Variants in ADGB observed in about 807,000 individuals in gnomAD.
ADGB encodes the protein calpain-7-like protein.
In ADGB, 172 loss-of-function variants were observed where a neutral mutation model predicts 210.5. The observed-to-expected ratio is 0.82, with a 90% CI of 0.72 to 0.93. The LOEUF (loss-of-function observed/expected upper bound fraction) is 0.93. Ranked by LOEUF, ADGB falls within the 40% of genes least tolerant of loss-of-function variation. The probability of loss-of-function intolerance (pLI) is 0.00; values close to 1 mark genes in which losing one functional copy is unlikely to be tolerated. For synonymous variants in ADGB, 658 were observed against 662.7 expected (o/e 0.99, Z 0.11); for missense variants, 2,025 against 1,964.8 (o/e 1.03, Z -0.58).
chr6:146,617,745 T>C (rs1027083410), intron 1 of ADGB, among the ~76,000 whole-genome samples: 11 of 152,144 alleles, frequency 7.2e-5, no homozygotes, highest in African/African-American at 2.7e-4. Flanking sequence ...GCGTCTCTTA[T>C]TGATTTGCAT....
intron 12 of ADGB, 92 bp downstream of exon 12, chr6:146,693,007 T>A (rs1298814900): frequency 3.0e-6 from 2 of 675,400 alleles, no homozygotes; most frequent in Admixed American, 6.8e-5. Flanking sequence ...GGGAGCATTT[T>A]GAAGAATAGT....
At chr6:146,813,889 T>G (rs1357533776) in intron 35 of ADGB, among the ~76,000 whole-genome samples, 1 of 152,192 alleles carries the variant, frequency 6.6e-6, no homozygotes, top group Non-Finnish European at 1.5e-5. Flanking sequence ...TGAGTTTTGA[T>G]TGAAGCCATT....
intron 35 of ADGB, among the ~76,000 whole-genome samples, chr6:146,812,178 G>T (rs1022163689): frequency 1.3e-5 from 2 of 152,064 alleles, no homozygotes; most frequent in Admixed American, 6.6e-5. Flanking sequence ...TTTAATAACA[G>T]ATTTTTCCCC....
chr6:146,642,974 C>T (rs966700865), intron 2 of ADGB, among the ~76,000 whole-genome samples: 28 of 151,604 alleles, frequency 1.8e-4, no homozygotes, highest in African/African-American at 6.3e-4. Flanking sequence ...CGACTGAAAA[C>T]GAAGAGGAGA....
intron 7 of ADGB, 125 bp downstream of exon 7, chr6:146,667,027 T>C (rs1713854956): frequency 1.6e-6 from 1 of 638,944 alleles, no homozygotes; most frequent in Non-Finnish European, 2.6e-6. Flanking sequence ...GGGGAAAATA[T>C]CGTTTTGTAG....
chr6:146,675,563 G>A (rs373381161), intron 8 of ADGB, among the ~76,000 whole-genome samples: 4 of 151,990 alleles, frequency 2.6e-5, no homozygotes, highest in East Asian at 1.9e-4. Context: ...TTTTATTTAC[G>A]AAAATTTTAA....
chr6:146,654,696 A>G (rs1160496727), intron 4 of ADGB, among the ~76,000 whole-genome samples: 1 of 152,124 alleles, frequency 6.6e-6, no homozygotes, highest in East Asian at 1.9e-4. Flanking sequence ...GGTTTGATAT[A>G]CATTGTTAAA....
intron 33 of ADGB, among the ~76,000 whole-genome samples, chr6:146,789,082 C>A (rs1430690755): frequency 2.0e-5 from 3 of 152,288 alleles, no homozygotes; most frequent in Admixed American, 2.0e-4. Context: ...TATATGGATT[C>A]ATATCTGTTC....
intron 28 of ADGB, among the ~76,000 whole-genome samples, chr6:146,768,699 C>T (rs1031475007): frequency 3.9e-5 from 6 of 152,094 alleles, no homozygotes; most frequent in Non-Finnish European, 5.9e-5. Flanking sequence ...TAAAGGCCAA[C>T]AGCTTTGAAA....
rs35082520 is a variant in ADGB, at chr6:146,600,926, G to GCACACACACACA, written c.74+1841_74+1852dup. ...TTTTGAGTACACCCCTCCCCCATGC[G>GCACACACACACA]CACACACACACACACACACACACAC... On this transcript the variant is annotated intron_variant, in intron 1 of 35. Transcript: ENST00000397944. Among the ~76,000 whole-genome samples, 31 of 144,568 alleles carry GCACACACACACA rather than the reference G, an allele frequency of 2.1e-4. 1 individual carries two copies. The highest frequency in any genetic ancestry group is 1.8e-3 in the Admixed American group (27 of 14,746). 94.8% of individuals were successfully genotyped at this position (144,568 alleles called of 152,430 possible). A position where few individuals can be genotyped will look rare whatever the true frequency, so the allele number is the denominator to read the frequency against.
chr6:146,613,018 C>T (rs939929177), intron 1 of ADGB, among the ~76,000 whole-genome samples: 3 of 152,178 alleles, frequency 2.0e-5, no homozygotes, highest in Non-Finnish European at 4.4e-5. Flanking sequence ...CAATTTTTCT[C>T]TCTCTTCCGT....
At chr6:146,672,501 T>G in intron 8 of ADGB, 34 bp downstream of exon 8, 4 of 1,494,770 alleles carry the variant, frequency 2.7e-6, no homozygotes, top group Non-Finnish European at 2.7e-6. Flanking sequence ...TGATTCAGTA[T>G]GGACATTGCA....
rs1223729130 is a variant in ADGB at position 146,815,218 on chromosome 6, C to G, written c.*1C>G. 6.7e-7 allele frequency: 1 copy of G among 1,502,066 alleles called. No individual in the cohort carries two copies. Among genetic ancestry groups the G allele is most frequent in the East Asian group, 2.5e-5 (1 of 39,722 alleles). 93.0% of individuals were successfully genotyped at this position (1,502,066 alleles called of 1,614,324 possible). ...AAAAAAGAAAGGAAAGAAAAAGTAACCAGGGGATGTCCAATACTACCCTGC... is the reference window on the plus strand; with the variant it reads ...AAAAAAGAAAGGAAAGAAAAAGTAAGCAGGGGATGTCCAATACTACCCTGC... On this transcript the variant is annotated 3_prime_UTR_variant, in exon 36 of 36. Transcript: ENST00000397944.
chr6:146,727,340 CTGTT>C (rs879535595), intron 19 of ADGB, among the ~76,000 whole-genome samples: 2 of 152,142 alleles, frequency 1.3e-5, no homozygotes, highest in Non-Finnish European at 2.9e-5. Flanking sequence ...GCTGCCTCCT[CTGTT>C]TGCTGTGCCA....
chr6:146,787,016 C>T (rs1056603630), intron 32 of ADGB, among the ~76,000 whole-genome samples: 3 of 152,032 alleles, frequency 2.0e-5, no homozygotes, highest in Non-Finnish European at 2.9e-5. Flanking sequence ...CTAAGAGGAA[C>T]TTGGTTAGGT....
chr6:146,675,294 AAAG>A (rs1776070305), intron 8 of ADGB, among the ~76,000 whole-genome samples: 2 of 152,142 alleles, frequency 1.3e-5, no homozygotes, highest in Non-Finnish European at 2.9e-5. Flanking sequence ...TCTCTATAAA[AAAG>A]AAAAATAAAA....
intron 16 of ADGB, 112 bp from the exon 17 acceptor site, chr6:146,721,291 A>C: frequency 1.4e-6 from 1 of 691,554 alleles, no homozygotes; most frequent in Non-Finnish European, 2.5e-6. Context: ...GGTGCCTACA[A>C]CACAGTAAGT....
intron 26 of ADGB, among the ~76,000 whole-genome samples, chr6:146,751,848 A>G (rs1417559927): frequency 1.3e-5 from 2 of 152,116 alleles, no homozygotes; most frequent in Non-Finnish European, 2.9e-5. Flanking sequence ...TTACATCTAA[A>G]CAAAAAGTTA....
At chr6:146,627,363 A>C (rs1257904353) in intron 1 of ADGB, among the ~76,000 whole-genome samples, 1 of 151,952 alleles carries the variant, frequency 6.6e-6, no homozygotes, top group Non-Finnish European at 1.5e-5. Context: ...ATTTTACCTT[A>C]CTGGATGCTG....
Sources: gnomAD v4.1 joint callset for allele counts (sites outside exome capture counted in the v4.1 genomes callset) on GRCh38, gnomAD v4.1.1 for gene constraint, MANE v1.5 for transcripts, NCBI Gene and HGNC (gene_info 2026-07-23, HGNC 2026-07-21) for gene names.